The following PABPC1 variants were observed in gnomAD, a reference collection of about 807,000 sequenced individuals.
PABPC1 encodes the protein polyadenylate-binding protein 1.
Under a neutral mutation model 74.0 loss-of-function variants are expected in PABPC1, and 4 were observed. The ratio of observed to expected loss-of-function variants is 0.05; its 90% CI spans 0.03 to 0.12. PABPC1 has a LOEUF of 0.12. Ranked by LOEUF, PABPC1 falls within the 10% of genes least tolerant of loss-of-function variation. The probability of loss-of-function intolerance (pLI) is 1.00; values close to 1 mark genes in which losing one functional copy is unlikely to be tolerated. For synonymous variants in PABPC1, 227 were observed against 264.1 expected (o/e 0.86, Z 1.36); for missense variants, 271 against 821.1 (o/e 0.33, Z 8.19).
chr8:100,722,073 C>A lies in PABPC1; in HGVS notation c.-490G>T. ...CACACTCCGCACTCTCAGCACTAAC[C>A]GCCGGGGAGAAGGGGAAGCACCGCC... On this transcript the variant is annotated 5_prime_UTR_variant, in exon 1 of 15. Transcript: ENST00000318607. The A allele has an allele frequency of 6.5e-6, 1 of 152,798 alleles. No individual in the cohort carries two copies. The allele number at this position is 152,798 out of a possible 1,614,324, so 9.5% of individuals were successfully genotyped here. A position where few individuals can be genotyped will look rare whatever the true frequency, so the allele number is the denominator to read the frequency against.
In PABPC1 at chr8:100,709,656, C is replaced by T. The variant is rs1246736412; in HGVS notation, c.1048G>A (p.Val350Ile). ...FSSPEEATKA[V>I]TEMNGRIVAT... ...ACAATTCTACCGTTCATTTCTGTAA[C>T]TGCTTTAGTGGCTTCTTCTGGGGAG... The change falls in exon 8 of 15, where the codon GTT becomes ATT. Residue 350 changes from valine (V) to isoleucine (I), a missense_variant. Val to Ile is a conservative substitution (Grantham distance 29). Coordinates refer to ENST00000318607, the MANE Select transcript of PABPC1 (RefSeq NM_002568.4). 1 of 1,614,178 alleles carries T rather than the reference C, an allele frequency of 6.2e-7. No individual in the cohort carries two copies. Among genetic ancestry groups the T allele is most frequent in the Non-Finnish European group, 8.5e-7 (1 of 1,180,044 alleles).
intron 1 of PABPC1, 146 bp from the exon 2 acceptor site, chr8:100,718,426 T>A (rs1810727112): frequency 4.7e-6 from 3 of 634,978 alleles, no homozygotes; most frequent in Admixed American, 3.0e-5. Flanking sequence ...TGGCTAGACC[T>A]TTCAAGTATC....
chr8:100,712,839 A>G, intron 5 of PABPC1, 50 bp from the exon 6 acceptor site: 1 of 1,521,638 alleles, frequency 6.6e-7, no homozygotes, highest in African/African-American at 1.4e-5. Flanking sequence ...CTTTCAACTT[A>G]CAGTTCATTT....
chr8:100,719,548 A>G (rs1365113019), intron 1 of PABPC1, among the ~76,000 whole-genome samples: 2 of 152,184 alleles, frequency 1.3e-5, no homozygotes, highest in Non-Finnish European at 2.9e-5. Context: ...AATTAATTGG[A>G]TAGTAAATTG....
chr8:100,708,722 G>C (rs191388445), intron 9 of PABPC1, among the ~76,000 whole-genome samples: 3 of 149,614 alleles, frequency 2.0e-5, no homozygotes, highest in African/African-American at 7.4e-5. Context: ...CTAATAATGC[G>C]TAAGTTAGCT....
chr8:100,706,846 C>T (rs1318812061), intron 10 of PABPC1, 41 bp from the exon 11 acceptor site: 1 of 1,158,230 alleles, frequency 8.6e-7, no homozygotes, highest in Non-Finnish European at 1.1e-6. Flanking sequence ...CTTGCTCTTT[C>T]AAATTGGTGA....
At chr8:100,720,570 A>G (rs1465676039) in intron 1 of PABPC1, among the ~76,000 whole-genome samples, 1 of 152,250 alleles carries the variant, frequency 6.6e-6, no homozygotes, top group Admixed American at 6.5e-5. Context: ...AAGGTAACAT[A>G]ATATACTCGA....
intron 13 of PABPC1, 73 bp downstream of exon 13, chr8:100,704,853 G>C: frequency 7.0e-7 from 1 of 1,438,776 alleles, no homozygotes; most frequent in Non-Finnish European, 9.7e-7. Flanking sequence ...TAAGTGTTCT[G>C]TACAATTAAG....
chr8:100,704,467 T>C, intron 13 of PABPC1, 77 bp from the exon 14 acceptor site: 1 of 1,160,128 alleles, frequency 8.6e-7, no homozygotes, highest in Non-Finnish European at 1.3e-6. Context: ...AACATACCAA[T>C]TCCCAACAAA....
At chr8:100,707,761 TC>T (rs1810419549) in intron 9 of PABPC1, among the ~76,000 whole-genome samples, 1 of 152,124 alleles carries the variant, frequency 6.6e-6, no homozygotes, top group Non-Finnish European at 1.5e-5. Flanking sequence ...TTCTCTAAAC[TC>T]CCCAGGGGAA....
intron 1 of PABPC1, among the ~76,000 whole-genome samples, chr8:100,720,185 G>A (rs1048955911): frequency 6.6e-6 from 1 of 152,182 alleles, no homozygotes; most frequent in Non-Finnish European, 1.5e-5. Flanking sequence ...AAATTGGGCC[G>A]TAAAATGGAA....
chr8:100,709,254 A>C lies in PABPC1; in HGVS notation c.1246-31T>G, dbSNP rs762876139. 1.1e-5 allele frequency: 17 copies of C among 1,594,308 alleles called. 1 individual carries two copies. Among genetic ancestry groups the C allele is most frequent in the African/African-American group, 6.7e-5 (5 of 74,520 alleles). ...GGGAAAAAAAGCACATGAGTTTATC[A>C]GTTGAAGAAAAAAGCAAATAATGCA... On this transcript the variant is annotated intron_variant, in intron 8 of 14. Transcript: ENST00000318607.
chr8:100,712,287 C>G (rs974181834), intron 7 of PABPC1, 75 bp downstream of exon 7: 16 of 854,854 alleles, frequency 1.9e-5, no homozygotes, highest in Non-Finnish European at 2.8e-5. Context: ...TATAATAATA[C>G]AAAATTTATA....
At chr8:100,711,212 G>A (rs910205607) in intron 7 of PABPC1, among the ~76,000 whole-genome samples, 1 of 152,074 alleles carries the variant, frequency 6.6e-6, no homozygotes, top group Admixed American at 6.6e-5. Context: ...CCCGGGAGGC[G>A]GAGGCTGCAG....
chr8:100,714,688 G>A (rs1195345723), intron 4 of PABPC1, among the ~76,000 whole-genome samples: 1 of 151,980 alleles, frequency 6.6e-6, no homozygotes, highest in Non-Finnish European at 1.5e-5. Context: ...GAGATCACGT[G>A]ACTGCACTCC....
intron 9 of PABPC1, among the ~76,000 whole-genome samples, chr8:100,707,556 T>TA (rs1378287699): frequency 2.6e-5 from 4 of 152,142 alleles, no homozygotes; most frequent in African/African-American, 9.7e-5. Context: ...TTCTGCATAT[T>TA]AGAGACTTTT....
In PABPC1 at chr8:100,716,708, G is replaced by A. The variant is rs958898004; in HGVS notation, c.503+1065C>T. 2.0e-5 allele frequency among the ~76,000 whole-genome samples: 3 copies of A among 152,158 alleles called. No individual in the cohort carries two copies. The East Asian group carries it at 5.8e-4, about 29-fold the overall frequency. ...ATGCTGCAACTTTTTTAAGAGACAA[G>A]GTCTTGCTATTCTGCCCTGGCTGGA... On this transcript the variant is annotated intron_variant, in intron 3 of 14. Coordinates refer to ENST00000318607, the MANE Select transcript of PABPC1 (RefSeq NM_002568.4).
chr8:100,705,647 T>C lies in PABPC1; in HGVS notation c.1629A>G (p.Glu543=). The C allele has an allele frequency of 6.2e-7, 1 of 1,613,866 alleles. No individual in the cohort carries two copies. Among genetic ancestry groups the C allele is most frequent in the Non-Finnish European group, 8.5e-7 (1 of 1,179,800 alleles). Reference sequence around the variant, plus strand: ...ATGCCAACATGGAAGCAGTCAAAGGTTCCTGACCTTGTACATGAACAGCAG... The same window carrying C: ...ATGCCAACATGGAAGCAGTCAAAGGCTCCTGACCTTGTACATGAACAGCAG... ...QQPAVHVQGQ[E]PLTASMLASA... Residue 543 remains glutamate, a synonymous_variant, in exon 12 of 15, where the codon GAA becomes GAG. Coordinates refer to ENST00000318607, the MANE Select transcript of PABPC1 (RefSeq NM_002568.4).
chr8:100,715,361 G>A (rs1810642169), intron 4 of PABPC1, 101 bp downstream of exon 4: 4 of 1,031,722 alleles, frequency 3.9e-6, no homozygotes, highest in Middle Eastern at 3.0e-4. Context: ...TACCATGTAA[G>A]TCTAATTTTA....
Sources: gnomAD v4.1 joint callset for allele counts (sites outside exome capture counted in the v4.1 genomes callset) on GRCh38, gnomAD v4.1.1 for gene constraint, MANE v1.5 for transcripts, NCBI Gene and HGNC (gene_info 2026-07-23, HGNC 2026-07-21) for gene names.